SREK1: variants seen among roughly 807,000 people sequenced by gnomAD.
SREK1 encodes the protein splicing regulatory glutamic acid and lysine rich protein 1.
In SREK1, 13 loss-of-function variants were observed where a neutral mutation model predicts 66.5. The ratio of observed to expected loss-of-function variants is 0.20; its 90% confidence interval spans 0.13 to 0.31. SREK1 has a LOEUF of 0.31. SREK1 is among the 10% of genes least tolerant of loss of function. The pLI is 1.00. For synonymous variants in SREK1, 265 were observed against 263.5 expected (o/e 1.01, Z -0.05); for missense variants, 607 against 769.6 (o/e 0.79, Z 2.50).
rs761335219 is a variant in SREK1, at chr5:66,170,157, C to T, written c.1108C>T (p.Arg370Cys). The T allele has an allele frequency of 2.8e-5, 45 of 1,611,068 alleles. No individual in the cohort carries two copies. The highest frequency in any genetic ancestry group is 5.4e-5 in the African/African-American group (4 of 74,702). Residue 370 changes from arginine (R) to cysteine (C), a missense_variant, in exon 8 of 12, where the codon CGT becomes TGT. Transcript: ENST00000334121. ...KSRERRKSRS[R>C]SHSRDKRKDT... The stretch of plus-strand genomic sequence containing the variant: ...AAGGGAGAGACGGAAGTCAAGGAGT[C>T]GTTCGCATTCACGGTGAGTTTTAGA...
In SREK1 at chr5:66,179,914, G is replaced by GA. The variant is rs1371634918; in HGVS notation, c.*1048dup. The GA allele has an allele frequency of 2.0e-5, 3 of 152,542 alleles. No individual in the cohort carries two copies. The highest frequency in any genetic ancestry group is 7.2e-5 in the African/African-American group (3 of 41,438). 9.4% of individuals were successfully genotyped at this position (152,542 alleles called of 1,614,324 possible). A position where few individuals can be genotyped will look rare whatever the true frequency, so the allele number is the denominator to read the frequency against. On this transcript the variant is annotated 3_prime_UTR_variant, in exon 12 of 12. Transcript: ENST00000334121. ...TTCTTACTGATTTCACCTAAAATGA[G>GA]AAGGAAGTCCTGTTTTCAAGAATGA... is the stretch of plus-strand genomic sequence containing the variant.
At chr5:66,174,145 T>A (rs1302187741) in intron 9 of SREK1, among the ~76,000 whole-genome samples, 1 of 148,276 alleles carries the variant, frequency 6.7e-6, no homozygotes, top group African/African-American at 2.7e-5. Flanking sequence ...ATTGGGTATG[T>A]CCTCGTACCA....
chr5:66,181,641 A>G lies in SREK1; in HGVS notation c.*2773A>G, dbSNP rs1182254885. On this transcript the variant is annotated 3_prime_UTR_variant, in exon 12 of 12. Coordinates refer to ENST00000334121, the MANE Select transcript of SREK1 (RefSeq NM_001077199.3). Reference sequence around the variant, plus strand: ...CTGAACTAGTATCATAAGATGGTGCATCAGTTCATAAGCTAGTGCATAAGT... The same window carrying G: ...CTGAACTAGTATCATAAGATGGTGCGTCAGTTCATAAGCTAGTGCATAAGT... 1 of 152,160 alleles carries G rather than the reference A, an allele frequency of 6.6e-6. No homozygotes were observed. The highest frequency in any genetic ancestry group is 1.5e-5 in the Non-Finnish European group (1 of 68,020). The allele number at this position is 152,160 out of a possible 1,614,324, so 9.4% of individuals were successfully genotyped here.
rs895023717 is a variant in SREK1, at chr5:66,182,883, A to G, written c.*4015A>G. ...GCACCTGGCAATACGTTATTTTAAA[A>G]GTAAACGCTAAGCCATTTATGACTT... On this transcript the variant is annotated 3_prime_UTR_variant, in exon 12 of 12. Transcript: ENST00000334121. 1 of 152,216 alleles carries G rather than the reference A, an allele frequency of 6.6e-6. No individual in the cohort carries two copies. Among genetic ancestry groups the G allele is most frequent in the African/African-American group, 2.4e-5 (1 of 41,454 alleles). The allele number at this position is 152,216 out of a possible 1,614,324, so 9.4% of individuals were successfully genotyped here.
At chr5:66,160,484 T>C (rs763176071) in intron 3 of SREK1, among the ~76,000 whole-genome samples, 3 of 152,192 alleles carry the variant, frequency 2.0e-5, no homozygotes, top group African/African-American at 7.2e-5. Context: ...AGGAACAGAA[T>C]GGTGGTCAGT....
intron 10 of SREK1, among the ~76,000 whole-genome samples, chr5:66,176,824 T>C (rs1220158091): frequency 1.3e-5 from 2 of 152,100 alleles, no homozygotes; most frequent in South Asian, 2.1e-4. Flanking sequence ...TTTCTGTATA[T>C]TTATTTTTTT....
intron 3 of SREK1, 141 bp downstream of exon 3, chr5:66,159,475 CTTT>C (rs201665610): frequency 6.5e-5 from 41 of 627,802 alleles, no homozygotes; most frequent in Non-Finnish European, 9.6e-5. Context: ...ACTGCTTAAA[CTTT>C]TTTTTTCACT....
At position 66,183,146 on chromosome 5, in the gene SREK1, A is replaced by G. The variant is rs533767705; in HGVS notation, c.*4278A>G. ...GGGAGATTTCACATATTTTACCTCT[A>G]TATTTTATTTTTCCAGGATTGGTAT... On this transcript the variant is annotated 3_prime_UTR_variant, in exon 12 of 12. Coordinates refer to ENST00000334121, the MANE Select transcript of SREK1 (RefSeq NM_001077199.3). The G allele has an allele frequency of 6.6e-6, 1 of 152,188 alleles. No homozygotes were observed. The highest frequency in any genetic ancestry group is 2.1e-4 in the South Asian group (1 of 4,824). 9.4% of individuals were successfully genotyped at this position (152,188 alleles called of 1,614,324 possible).
chr5:66,154,353 T>C (rs1448141778), intron 2 of SREK1, among the ~76,000 whole-genome samples: 1 of 152,226 alleles, frequency 6.6e-6, no homozygotes, highest in African/African-American at 2.4e-5. Flanking sequence ...TGCTGAATTT[T>C]GACACTTCTG....
intron 1 of SREK1, among the ~76,000 whole-genome samples, chr5:66,147,034 C>T (rs543111053): frequency 1.3e-5 from 2 of 152,070 alleles, no homozygotes; most frequent in South Asian, 4.1e-4. Flanking sequence ...ACCTGAGTAA[C>T]ATATTGAGAC....
intron 9 of SREK1, 30 bp downstream of exon 9, chr5:66,170,977 GGAT>G: frequency 6.4e-7 from 1 of 1,568,828 alleles, no homozygotes; most frequent in Non-Finnish European, 8.6e-7. Flanking sequence ...TTTTACAAAG[GGAT>G]TTGCTGATGA....
intron 1 of SREK1, 72 bp from the exon 2 acceptor site, chr5:66,153,391 G>T: frequency 6.4e-7 from 1 of 1,556,596 alleles, no homozygotes; most frequent in South Asian, 1.2e-5. Flanking sequence ...GGTTAAGAAA[G>T]AAATTTTAAG....
rs747271062 is a variant in SREK1, at chr5:66,179,118, A to T, written c.*250A>T. 3.4e-6 allele frequency: 1 copy of T among 293,806 alleles called. No individual in the cohort carries two copies. Among genetic ancestry groups the T allele is most frequent in the Non-Finnish European group, 6.3e-6 (1 of 159,342 alleles). 18.2% of individuals were successfully genotyped at this position (293,806 alleles called of 1,614,324 possible). On this transcript the variant is annotated 3_prime_UTR_variant, in exon 12 of 12. Coordinates refer to ENST00000334121, the MANE Select transcript of SREK1 (RefSeq NM_001077199.3). ...TGTGCATTTCCATGGTGGCTGACACACTTGTCATGTGGTCTGTTAGTGTTT... is the reference window on the plus strand; with the variant it reads ...TGTGCATTTCCATGGTGGCTGACACTCTTGTCATGTGGTCTGTTAGTGTTT...
chr5:66,180,869 C>T lies in SREK1; in HGVS notation c.*2001C>T, dbSNP rs1424304804. 1 of 152,396 alleles carries T rather than the reference C, an allele frequency of 6.6e-6. No homozygotes were observed. Among genetic ancestry groups the T allele is most frequent in the Non-Finnish European group, 1.5e-5 (1 of 67,990 alleles). 9.4% of individuals were successfully genotyped at this position (152,396 alleles called of 1,614,324 possible). Reference sequence around the variant, plus strand: ...TTTTAGTACCATGTCTTTAATAAAGCTAAGTATTTTAGAGGAAAATGTTTG... The same window carrying T: ...TTTTAGTACCATGTCTTTAATAAAGTTAAGTATTTTAGAGGAAAATGTTTG... On this transcript the variant is annotated 3_prime_UTR_variant, in exon 12 of 12. Coordinates refer to ENST00000334121, the MANE Select transcript of SREK1 (RefSeq NM_001077199.3).
At chr5:66,174,850 C>G in intron 9 of SREK1, 96 bp from the exon 10 acceptor site, 4 of 1,112,436 alleles carry the variant, frequency 3.6e-6, no homozygotes, top group Non-Finnish European at 5.2e-6. Context: ...GAATACTGTT[C>G]ATATGAGAAT....
At chr5:66,164,440 TA>T in intron 6 of SREK1, 1 of 602,468 alleles carries the variant, frequency 1.7e-6, no homozygotes, top group Non-Finnish European at 2.5e-6. Flanking sequence ...GCAGATTTTC[TA>T]AATCAACACT....
Position 66,159,315 on chromosome 5 carries a change from C to A in SREK1, c.392C>A (p.Thr131Asn), listed in dbSNP as rs1744538296. 2.5e-6 allele frequency: 4 copies of A among 1,611,692 alleles called. No individual in the cohort carries two copies. Among genetic ancestry groups the A allele is most frequent in the Non-Finnish European group, 3.4e-6 (4 of 1,178,898 alleles). Reference sequence around the variant, plus strand: ...GGTGCAGGATTGCTTCCAATACCGACCCCAAATCCTTTGACTACTGTAAGT... The same window carrying A: ...GGTGCAGGATTGCTTCCAATACCGAACCCAAATCCTTTGACTACTGTAAGT... ...MPGAGLLPIP[T>N]PNPLTTLGVS... is the part of the protein sequence containing the mutation. The change falls in exon 3 of 12, where the codon ACC (threonine) becomes AAC (asparagine). Residue 131 changes from threonine to asparagine, a missense_variant. Around this residue, in one of 5 missense-constraint regions of SREK1, gnomAD observed 99 missense variants for 186.6 expected, o/e 0.53. Transcript: ENST00000334121.
chr5:66,150,560 G>T (rs1259287144), intron 1 of SREK1, among the ~76,000 whole-genome samples: 1 of 152,186 alleles, frequency 6.6e-6, no homozygotes, highest in African/African-American at 2.4e-5. Context: ...TGTTTAGAAA[G>T]ATCACTGTGG....
At chr5:66,157,109 G>A (rs1041323868) in intron 2 of SREK1, 11 of 950,088 alleles carry the variant, frequency 1.2e-5, no homozygotes, top group Non-Finnish European at 1.3e-5. Flanking sequence ...AGTATATAGA[G>A]TAATTAGAAT....
Sources: gnomAD v4.1 joint callset for allele counts (sites outside exome capture counted in the v4.1 genomes callset) on GRCh38, gnomAD v4.1.1 for gene constraint, gnomAD v4.1.1 regional missense constraint, MANE v1.5 for transcripts, NCBI Gene and HGNC (gene_info 2026-07-23, HGNC 2026-07-21) for gene names.